LAMB4: variants seen among roughly 807,000 people sequenced by gnomAD.
The protein encoded by LAMB4 is laminin subunit beta 4.
Under a neutral mutation model 199.2 loss-of-function variants are expected in LAMB4, and 196 were observed. The observed-to-expected ratio is 0.98, with a 90% CI of 0.88 to 1.11. The LOEUF (loss-of-function observed/expected upper bound fraction) is 1.11. Among genes scored for constraint, LAMB4 ranks in the 50% least tolerant of loss-of-function variants. LAMB4 has a pLI of 0.00. For synonymous variants in LAMB4, 744 were observed against 770.6 expected (o/e 0.97, Z 0.57); for missense variants, 2,080 against 2,171.2 (o/e 0.96, Z 0.83).
In LAMB4 at chr7:108,078,344, C is replaced by T. The variant is rs73725324; in HGVS notation, c.1888-28G>A. The T allele has an allele frequency of 8.5e-3, 11,719 of 1,372,094 alleles. 683 individuals are homozygous for T. In the African/African-American group the frequency reaches 0.13, roughly 16 times the overall value. 85.0% of individuals were successfully genotyped at this position (1,372,094 alleles called of 1,614,324 possible). A position where few individuals can be genotyped will look rare whatever the true frequency, so the allele number is the denominator to read the frequency against. ...AGACAGGCATGACATTAAGGCATGTCACTGCAAGGATGCAGGAAAATGTTT... is the reference window on the plus strand; with the variant it reads ...AGACAGGCATGACATTAAGGCATGTTACTGCAAGGATGCAGGAAAATGTTT... On this transcript the variant is annotated intron_variant, in intron 15 of 33. Transcript: ENST00000388781.
chr7:108,105,109 T>C (rs429252), intron 8 of LAMB4, among the ~76,000 whole-genome samples: 56,031 of 151,968 alleles, frequency 0.37, 10,898 homozygotes, highest in Non-Finnish European at 0.41. Context: ...GGTAGCTGAA[T>C]GGGAAGGCAC....
At chr7:108,048,158 CTTTTTTTTT>C (rs747991620) in intron 27 of LAMB4, 47 bp from the exon 28 acceptor site, 9 of 462,514 alleles carry the variant, frequency 1.9e-5, no homozygotes, top group East Asian at 8.4e-5. Context: ...GTTGTCAGAG[CTTTTTTTTT>C]TTTTTTTTTT....
At chr7:108,123,667 T>C (rs934733273) in intron 1 of LAMB4, among the ~76,000 whole-genome samples, 1 of 152,182 alleles carries the variant, frequency 6.6e-6, no homozygotes, top group Admixed American at 6.5e-5. Flanking sequence ...ACACTGGGGA[T>C]GGAGGGAGGC....
At chr7:108,054,730 A>C (rs2035925991) in intron 25 of LAMB4, among the ~76,000 whole-genome samples, 1 of 152,214 alleles carries the variant, frequency 6.6e-6, no homozygotes, top group African/African-American at 2.4e-5. Context: ...AGGGGTAAAT[A>C]AATGGGTGTG....
chr7:108,065,784 G>T lies in LAMB4; in HGVS notation c.2814C>A (p.Cys938Ter). The T allele has an allele frequency of 6.2e-7, 1 of 1,614,050 alleles. No homozygotes were observed. The highest frequency in any genetic ancestry group is 8.5e-7 in the Non-Finnish European group (1 of 1,179,942). Reference sequence around the variant, plus strand: ...TACCCGTATAACCTTGAAGACAATTGCAGATTACATCTGAGCTCCACAGAT... The same window carrying T: ...TACCCGTATAACCTTGAAGACAATTTCAGATTACATCTGAGCTCCACAGAT... ...YQNLWSSDVI[C>*]NCLQGYTGTQ... The change falls in exon 21 of 34, where the codon TGC becomes TGA. Residue 938 changes from cysteine (C) to a stop codon, truncating the protein, a stop_gained. Transcript: ENST00000388781. LOFTEE classifies it high-confidence loss of function.
At chr7:108,039,270 C>T (rs1329060373) in intron 29 of LAMB4, among the ~76,000 whole-genome samples, 1 of 152,052 alleles carries the variant, frequency 6.6e-6, no homozygotes, top group Non-Finnish European at 1.5e-5. Context: ...AAATGATTTT[C>T]AGCATTTGAG....
At chr7:108,077,195 A>G in intron 16 of LAMB4, 131 bp from the exon 17 acceptor site, 1 of 854,278 alleles carries the variant, frequency 1.2e-6, no homozygotes, top group Non-Finnish European at 1.8e-6. Flanking sequence ...AGGCCAGTGT[A>G]GGTCTAGACC....
intron 14 of LAMB4, among the ~76,000 whole-genome samples, chr7:108,082,926 T>C (rs912267920): frequency 1.3e-4 from 20 of 152,190 alleles, no homozygotes; most frequent in Non-Finnish European, 2.6e-4. Context: ...CAGACGGAAG[T>C]CAATTACCAC....
At chr7:108,017,491 AATACTT>A in the LAMB4 span, among the ~76,000 whole-genome samples, 3 of 152,246 alleles carry the variant, frequency 2.0e-5, no homozygotes, top group African/African-American at 7.2e-5. Context: ...TTATGGAACT[AATACTT>A]AAAGTGAATA....
chr7:108,032,663 G>A (rs2150489854), intron 31 of LAMB4, among the ~76,000 whole-genome samples: 1 of 151,796 alleles, frequency 6.6e-6, no homozygotes, highest in African/African-American at 2.4e-5. Context: ...CCCAACCCAG[G>A]GGCAAGTTTT....
chr7:108,033,105 T>G (rs1027459013), intron 31 of LAMB4, among the ~76,000 whole-genome samples: 1 of 152,242 alleles, frequency 6.6e-6, no homozygotes, highest in African/African-American at 2.4e-5. Context: ...TCCTGTACCC[T>G]TGGGCATATG....
chr7:108,082,907 G>A (rs192409935), intron 14 of LAMB4, among the ~76,000 whole-genome samples: 34 of 152,268 alleles, frequency 2.2e-4, no homozygotes, highest in African/African-American at 7.7e-4. Flanking sequence ...TCATTGGATG[G>A]ATCACTGGCA....
rs1012509369 is a variant in LAMB4, at chr7:108,097,509, G to A, written c.1360+894C>T. Among the ~76,000 whole-genome samples the A allele has an allele frequency of 3.9e-4, 59 of 152,352 alleles. 1 individual carries two copies. Among genetic ancestry groups the A allele is most frequent in the Middle Eastern group, 3.4e-3 (1 of 294 alleles). ...TAATTTAAAAAATAAAAAGAGGCCG[G>A]GCATGGCGGCTCACGCCTGTAATCC... On this transcript the variant is annotated intron_variant, in intron 11 of 33. Coordinates refer to ENST00000388781, the MANE Select transcript of LAMB4 (RefSeq NM_007356.3).
intron 28 of LAMB4, among the ~76,000 whole-genome samples, chr7:108,045,796 T>A (rs1448427478): frequency 3.9e-5 from 6 of 152,226 alleles, no homozygotes; most frequent in Non-Finnish European, 8.8e-5. Context: ...GTTAAAGCAA[T>A]GAAGAACGAC....
At chr7:108,016,913 G>C in the LAMB4 span, among the ~76,000 whole-genome samples, 1 of 152,164 alleles carries the variant, frequency 6.6e-6, no homozygotes, top group Non-Finnish European at 1.5e-5. Context: ...CACTTAATCT[G>C]TTGCCACCTA....
At chr7:108,025,880 T>C (rs1163583822) in intron 33 of LAMB4, among the ~76,000 whole-genome samples, 2 of 152,198 alleles carry the variant, frequency 1.3e-5, no homozygotes, top group Non-Finnish European at 2.9e-5. Flanking sequence ...TCCTCGTCTG[T>C]GTTCTGGAAA....
chr7:108,085,019 G>A (rs1261014585), intron 14 of LAMB4, among the ~76,000 whole-genome samples: 1 of 152,010 alleles, frequency 6.6e-6, no homozygotes, highest in Non-Finnish European at 1.5e-5. Context: ...GATCACAAGT[G>A]TGAGCAACCA....
At chr7:108,028,472 AT>A (rs1195925912) in intron 33 of LAMB4, among the ~76,000 whole-genome samples, 1,808 of 111,774 alleles carry the variant, frequency 0.016, 17 homozygotes, top group East Asian at 0.058. Flanking sequence ...AAAAAAGGGC[AT>A]TTTTTTTTTT....
At position 108,029,001 on chromosome 7, in the gene LAMB4, A is replaced by G. The variant is rs760128473; in HGVS notation, c.5146+42T>C. ...TCTACTAGTAAGGTAGAGTACCATG[A>G]TGTTATTATCAAATTGGCAGGATGG... On this transcript the variant is annotated intron_variant, in intron 33 of 33. Coordinates refer to ENST00000388781, the MANE Select transcript of LAMB4 (RefSeq NM_007356.3). 22 of 1,563,702 alleles carry G rather than the reference A, an allele frequency of 1.4e-5. No individual in the cohort carries two copies. In the African/African-American group the frequency reaches 2.3e-4, roughly 16 times the overall value.
Sources: gnomAD v4.1 joint callset for allele counts (sites outside exome capture counted in the v4.1 genomes callset) on GRCh38, gnomAD v4.1.1 for gene constraint, MANE v1.5 for transcripts, NCBI Gene and HGNC (gene_info 2026-07-23, HGNC 2026-07-21) for gene names.